Variants in ARMC7 observed in about 807,000 individuals in gnomAD.
The protein encoded by ARMC7 is armadillo repeat containing 7.
In ARMC7, 9 loss-of-function variants were observed where a neutral mutation model predicts 14.8. That is an observed-to-expected ratio of 0.61 (90% confidence interval 0.37 to 1.06). The LOEUF (loss-of-function observed/expected upper bound fraction) is 1.06. ARMC7 is among the 50% of genes least tolerant of loss of function. The pLI is 0.01. For missense variants in ARMC7, 262 were observed against 267.1 expected (o/e 0.98, Z 0.13); for synonymous variants, 125 against 123.4 (o/e 1.01, Z -0.09).
At position 75,128,816 on chromosome 17, in the gene ARMC7, G is replaced by T. The variant is rs774740585; in HGVS notation, c.375G>T (p.Leu125=). The change falls in exon 3 of 3, where the codon CTG becomes CTT. Residue 125 remains leucine, a synonymous_variant. Coordinates refer to ENST00000245543, the MANE Select transcript of ARMC7 (RefSeq NM_024585.4). ...VLSAITTLMH[L]SPPGRSFLPE... is the part of the protein sequence containing the mutation. ...CTGCCATCACCACGCTCATGCACCTGAGCCCGCCGGGCCGCAGCTTTCTCC... is the reference window on the plus strand; with the variant it reads ...CTGCCATCACCACGCTCATGCACCTTAGCCCGCCGGGCCGCAGCTTTCTCC... The T allele has an allele frequency of 6.2e-7, 1 of 1,613,158 alleles. No individual in the cohort carries two copies. The highest frequency in any genetic ancestry group is 1.1e-5 in the South Asian group (1 of 91,078).
At chr17:75,114,059 C>G (rs2073953833) in intron 2 of ARMC7, 1 of 399,704 alleles carries the variant, frequency 2.5e-6, no homozygotes, top group East Asian at 3.6e-5. Flanking sequence ...GCCCAGGTCC[C>G]CGAGTGATGC....
intron 2 of ARMC7, among the ~76,000 whole-genome samples, chr17:75,113,007 TTTTTATTTTA>T (rs71159435): frequency 1.7e-4 from 25 of 149,046 alleles, no homozygotes; most frequent in Non-Finnish European, 3.0e-4. Flanking sequence ...AATAACACAT[TTTTTATTTTA>T]TTTTATTTTA....
rs374790581 is a variant in ARMC7 at position 75,128,986 on chromosome 17, A to G, written c.545A>G (p.His182Arg). ...QVAEARSRQAHSALGIPLPRS... is the reference protein window; with the variant it reads ...QVAEARSRQARSALGIPLPRS... The stretch of plus-strand genomic sequence containing the variant: ...GCCGAGGCCCGCAGCCGGCAGGCGC[A>G]CTCTGCCCTGGGTATCCCACTGCCG... Residue 182 changes from histidine to arginine, a missense_variant, in exon 3 of 3, where the codon CAC (histidine) becomes CGC (arginine). His to Arg is a conservative substitution (Grantham distance 29). Coordinates refer to ENST00000245543, the MANE Select transcript of ARMC7 (RefSeq NM_024585.4). 1 of 1,601,098 alleles carries G rather than the reference A, an allele frequency of 6.2e-7. No homozygotes were observed. The highest frequency in any genetic ancestry group is 8.5e-7 in the Non-Finnish European group (1 of 1,179,602).
intron 2 of ARMC7, chr17:75,114,540 C>T (rs1405036078): frequency 2.5e-6 from 1 of 394,260 alleles, no homozygotes; most frequent in Non-Finnish European, 4.5e-6. Flanking sequence ...AAGCTGAGTC[C>T]CGTCCCTTCT....
chr17:75,114,114 G>C, intron 2 of ARMC7: 1 of 401,230 alleles, frequency 2.5e-6, no homozygotes, highest in Non-Finnish European at 4.4e-6. Context: ...ATTCTAAAAA[G>C]TTGGTCTCTA....
intron 2 of ARMC7, among the ~76,000 whole-genome samples, chr17:75,124,563 G>C (rs2074037503): frequency 6.6e-6 from 1 of 152,214 alleles, no homozygotes; most frequent in African/African-American, 2.4e-5. Context: ...CGTCAGCTCG[G>C]GAGACATGCC....
intron 2 of ARMC7, among the ~76,000 whole-genome samples, chr17:75,121,675 A>G (rs938759028): frequency 6.6e-6 from 1 of 152,156 alleles, no homozygotes; most frequent in African/African-American, 2.4e-5. Flanking sequence ...CGGCCTCCCA[A>G]AGTGCTGGGA....
At chr17:75,117,985 G>A (rs552620058) in intron 2 of ARMC7, among the ~76,000 whole-genome samples, 40 of 152,048 alleles carry the variant, frequency 2.6e-4, no homozygotes, top group Non-Finnish European at 4.9e-4. Context: ...GCTGGGTGTG[G>A]TGGCAGGAGC....
chr17:75,116,721 T>C (rs1017397197), intron 2 of ARMC7, among the ~76,000 whole-genome samples: 3 of 152,200 alleles, frequency 2.0e-5, no homozygotes, highest in African/African-American at 2.4e-5. Context: ...TTAGAGGAGT[T>C]CCAATTCCTA....
In ARMC7 at chr17:75,128,906, G is replaced by C. The variant is rs749475972; in HGVS notation, c.465G>C (p.Arg155Ser). The C allele has an allele frequency of 2.5e-5, 40 of 1,610,024 alleles. No homozygotes were observed. The highest frequency in any genetic ancestry group is 3.3e-5 in the Non-Finnish European group (39 of 1,179,834). The stretch of plus-strand genomic sequence containing the variant: ...GCTTCTCCCTCTCGGCCAGCGCCAG[G>C]CTCCGGAACCTGGCACAGATCTTCC... ...MLRFSLSASA[R>S]LRNLAQIFLE... is the part of the protein sequence containing the mutation. Residue 155 changes from arginine (R) to serine (S), a missense_variant, in exon 3 of 3, where the codon AGG becomes AGC. Arg to Ser is a moderately radical substitution (Grantham distance 110, BLOSUM62 -1). Transcript: ENST00000245543.
chr17:75,116,763 A>G (rs1256707014), intron 2 of ARMC7, among the ~76,000 whole-genome samples: 1 of 152,178 alleles, frequency 6.6e-6, no homozygotes, highest in Non-Finnish European at 1.5e-5. Flanking sequence ...AAAGGAGTTT[A>G]CTCCAAATTG....
At chr17:75,128,528 T>G in intron 2 of ARMC7, 149 bp from the exon 3 acceptor site, 41 of 1,156,398 alleles carry the variant, frequency 3.5e-5, no homozygotes, top group Non-Finnish European at 4.4e-5. Context: ...TCTGGAAACT[T>G]GAGAAGGCAG....
Position 75,128,984 on chromosome 17 carries a change from G to A in ARMC7, c.543G>A (p.Ala181=), listed in dbSNP as rs537391565. 44 of 1,601,248 alleles carry A rather than the reference G, an allele frequency of 2.7e-5. No homozygotes were observed. In the East Asian group the frequency reaches 4.5e-4, roughly 16 times the overall value. ...TGGCCGAGGCCCGCAGCCGGCAGGC[G>A]CACTCTGCCCTGGGTATCCCACTGC... ...RQVAEARSRQ[A]HSALGIPLPR... is the part of the protein sequence containing the mutation. Residue 181 remains alanine, a synonymous_variant, in exon 3 of 3, where the codon GCG becomes GCA. Coordinates refer to ENST00000245543, the MANE Select transcript of ARMC7 (RefSeq NM_024585.4).
chr17:75,115,219 T>A (rs1159893341), intron 2 of ARMC7, among the ~76,000 whole-genome samples: 3 of 152,104 alleles, frequency 2.0e-5, no homozygotes, highest in Admixed American at 2.0e-4. Context: ...AGTGGAGAGC[T>A]GAGTCAGATT....
rs2074080642 is a variant in ARMC7, at chr17:75,129,176, G to A, written c.*138G>A. On this transcript the variant is annotated 3_prime_UTR_variant, in exon 3 of 3. Transcript: ENST00000245543. Reference sequence around the variant, plus strand: ...AAAGGCGGGTTCTTTCAGCAGGACAGGCATTTACACTGATGAAACGCCACT... The same window carrying A: ...AAAGGCGGGTTCTTTCAGCAGGACAAGCATTTACACTGATGAAACGCCACT... 2 of 1,256,780 alleles carry A rather than the reference G, an allele frequency of 1.6e-6. No individual in the cohort carries two copies. Among genetic ancestry groups the A allele is most frequent in the South Asian group, 1.6e-5 (1 of 63,836 alleles). 77.9% of individuals were successfully genotyped at this position (1,256,780 alleles called of 1,614,324 possible).
chr17:75,119,027 CTCCTGGGCTCAAGT>C (rs1491004372), intron 2 of ARMC7, among the ~76,000 whole-genome samples: 9 of 152,192 alleles, frequency 5.9e-5, no homozygotes, highest in Non-Finnish European at 1.2e-4. Context: ...TGGCCTCAAA[CTCCTGGGCTCAAGT>C]GATCCTCCGA....
chr17:75,121,029 TTGCTTTGCC>T (rs1038875933), intron 2 of ARMC7, among the ~76,000 whole-genome samples: 4 of 152,182 alleles, frequency 2.6e-5, no homozygotes, highest in African/African-American at 9.7e-5. Flanking sequence ...TCCTGTGGAT[TTGCTTTGCC>T]TGTTCTTGAA....
At chr17:75,114,721 T>A in intron 2 of ARMC7, 1 of 398,576 alleles carries the variant, frequency 2.5e-6, no homozygotes, top group Non-Finnish European at 4.4e-6. Flanking sequence ...TTCCTTCTTC[T>A]GCCACAGCAA....
rs1375420565 is a variant in ARMC7 at position 75,110,302 on chromosome 17, C to G, written c.14C>G (p.Pro5Arg). ...GTCACCGCGGCCATGGCCCAGAAGC[C>G]GAAGGTGGACCCCCACGTCGGGCGG... MAQK[P>R]KVDPHVGRLG... Residue 5 changes from proline (P) to arginine (R), a missense_variant, in exon 1 of 3, where the codon CCG (proline) becomes CGG (arginine). Physicochemically the swap from Pro to Arg is moderately radical, Grantham distance 103. Transcript: ENST00000245543. 1 of 1,612,394 alleles carries G rather than the reference C, an allele frequency of 6.2e-7. No homozygotes were observed. Among genetic ancestry groups the G allele is most frequent in the Non-Finnish European group, 8.5e-7 (1 of 1,179,942 alleles).
Sources: allele counts gnomAD v4.1 joint callset (sites outside exome capture counted in the v4.1 genomes callset), GRCh38; gene constraint gnomAD v4.1.1; transcripts MANE v1.5; gene names NCBI Gene and HGNC (gene_info 2026-07-23, HGNC 2026-07-21).